FAM163B: variants seen among roughly 807,000 people sequenced by gnomAD.
FAM163B encodes protein FAM163B.
FAM163B carries 4 observed loss-of-function variants against 7.6 expected under a neutral mutation model. The observed-to-expected ratio is 0.52, with a 90% CI of 0.26 to 1.20. The LOEUF is 1.20. FAM163B is among the 50% of genes most tolerant of loss of function. The pLI is 0.14. For synonymous variants in FAM163B, 120 were observed against 111.6 expected, an observed-to-expected ratio of 1.07 and a Z score of -0.47; for missense variants, 250 against 243.0, an observed-to-expected ratio of 1.03 and a Z score of -0.19.
Position 133,579,006 on chromosome 9 carries a change from CG to C in FAM163B, c.*15del, listed in dbSNP as rs1442601264. ...CTCAGGACCTTCAAGGCCAGGATCC[CG>C]GGGGCGGGCCCAGGTCACACGTCGG... On this transcript the variant is annotated 3_prime_UTR_variant, in exon 3 of 3. Transcript: ENST00000673969. 9.4e-6 allele frequency: 14 copies of C among 1,486,384 alleles called. No individual in the cohort carries two copies. Among genetic ancestry groups the C allele is most frequent in the Middle Eastern group, 2.5e-4 (1 of 4,044 alleles). The allele number at this position is 1,486,384 out of a possible 1,614,324, so 92.1% of individuals were successfully genotyped here.
chr9:133,579,152 T>C lies in FAM163B; in HGVS notation c.371A>G (p.Lys124Arg), dbSNP rs1588319496. 1 of 1,610,462 alleles carries C rather than the reference T, an allele frequency of 6.2e-7. No individual in the cohort carries two copies. The highest frequency in any genetic ancestry group is 2.2e-5 in the East Asian group (1 of 44,862). Residue 124 changes from lysine (K) to arginine (R), a missense_variant, in exon 3 of 3, where the codon AAG (lysine) becomes AGG (arginine). Physicochemically the swap from Lys to Arg is conservative, Grantham distance 26. Transcript: ENST00000673969. ...VLNGGERVLYKSVSQEDVELP... is the reference protein window; with the variant it reads ...VLNGGERVLYRSVSQEDVELP... ...CTCCACGTCCTCCTGGCTCACGCTC[T>C]TGTAGAGCACGCGCTCCCCGCCGTT...
At chr9:133,590,536 G>C (rs1320354968) in intron 1 of FAM163B, among the ~76,000 whole-genome samples, 3 of 152,212 alleles carry the variant, frequency 2.0e-5, no homozygotes, top group South Asian at 4.1e-4. Flanking sequence ...GGAAGCACAG[G>C]CTTGATGCAC....
At chr9:133,598,767 T>C (rs1003392144) in intron 1 of FAM163B, among the ~76,000 whole-genome samples, 2 of 151,910 alleles carry the variant, frequency 1.3e-5, no homozygotes, top group Non-Finnish European at 2.9e-5. Context: ...GAGACAGGAG[T>C]CCTCATCTTA....
rs1156488424 is a variant in FAM163B at position 133,600,226 on chromosome 9, A to G, written c.-24+8851T>C. ...GTGTGAGTGTGTGTGTGTGGGGGGG[A>G]ATGTGGTCTGTGTGCATGTGTGTGA... On this transcript the variant is annotated intron_variant, in intron 1 of 2. Coordinates refer to ENST00000673969, the MANE Select transcript of FAM163B (RefSeq NM_001080515.3). The surrounding 1 kb of genome is among the most constrained non-coding windows in gnomAD (Gnocchi z 4.9). Among the ~76,000 whole-genome samples, 39 of 86,990 alleles carry G rather than the reference A, an allele frequency of 4.5e-4. No individual in the cohort carries two copies. The highest frequency in any genetic ancestry group is 1.7e-3 in the South Asian group (4 of 2,410). 57.1% of individuals were successfully genotyped at this position (86,990 alleles called of 152,430 possible). A position where few individuals can be genotyped will look rare whatever the true frequency, so the allele number is the denominator to read the frequency against.
chr9:133,592,767 C>G lies in FAM163B; in HGVS notation c.-23-12521G>C, dbSNP rs144134005. On this transcript the variant is annotated intron_variant, in intron 1 of 2. Coordinates refer to ENST00000673969, the MANE Select transcript of FAM163B (RefSeq NM_001080515.3). ...AAAATGCAGAGTTCCAAGTCCCACC[C>G]AGGCCGGCGGGGGGGTCAGAAACTC... Among the ~76,000 whole-genome samples the G allele has an allele frequency of 4.8e-3, 735 of 152,322 alleles. 6 individuals carry two copies. Among genetic ancestry groups the G allele is most frequent in the African/African-American group, 0.017 (699 of 41,558 alleles).
chr9:133,586,984 G>A (rs1831449090), intron 1 of FAM163B, among the ~76,000 whole-genome samples: 1 of 152,182 alleles, frequency 6.6e-6, no homozygotes, highest in South Asian at 2.1e-4. Flanking sequence ...CACTCCCTAG[G>A]CCATCGGGGA....
At chr9:133,604,878 G>C (rs528929367) in intron 1 of FAM163B, among the ~76,000 whole-genome samples, 11 of 152,254 alleles carry the variant, frequency 7.2e-5, no homozygotes, top group Non-Finnish European at 1.5e-4. Context: ...TTTCAAAAGA[G>C]AGAGGACGGT....
chr9:133,608,935 G>A (rs559196794), intron 1 of FAM163B, among the ~76,000 whole-genome samples, 142 bp downstream of exon 1: 2 of 152,332 alleles, frequency 1.3e-5, no homozygotes, highest in African/African-American at 4.8e-5. Context: ...GATGGGTGAC[G>A]CCAGCTGGGT....
At chr9:133,580,329 C>T in intron 1 of FAM163B, 83 bp from the exon 2 acceptor site, 1 of 1,138,176 alleles carries the variant, frequency 8.8e-7, no homozygotes. Context: ...ACTGAGAAGA[C>T]AAGCTGAGGG....
intron 1 of FAM163B, among the ~76,000 whole-genome samples, chr9:133,593,882 C>G (rs1831592288): frequency 6.6e-6 from 1 of 152,218 alleles, no homozygotes; most frequent in African/African-American, 2.4e-5. Flanking sequence ...TTGGAATTTC[C>G]CTTCCTAAGT....
chr9:133,595,762 C>A (rs1831623227), intron 1 of FAM163B, among the ~76,000 whole-genome samples: 1 of 152,216 alleles, frequency 6.6e-6, no homozygotes, highest in African/African-American at 2.4e-5. Flanking sequence ...CTCTCCACCC[C>A]CTTAACCTGC....
At chr9:133,590,389 C>T (rs1006145746) in intron 1 of FAM163B, among the ~76,000 whole-genome samples, 1 of 152,044 alleles carries the variant, frequency 6.6e-6, no homozygotes, top group Non-Finnish European at 1.5e-5. Context: ...CCAGAGCTCT[C>T]GTTTAGTAAA....
chr9:133,583,264 T>TAG (rs1424449586), intron 1 of FAM163B, among the ~76,000 whole-genome samples: 4 of 152,106 alleles, frequency 2.6e-5, no homozygotes, highest in African/African-American at 4.8e-5. Context: ...TAGGGAAGCA[T>TAG]GGGCCTGGGT....
At position 133,609,232 on chromosome 9, in the gene FAM163B, G is replaced by A. The variant is rs1831824254; in HGVS notation, c.-179C>T. On this transcript the variant is annotated 5_prime_UTR_variant, in exon 1 of 3. Transcript: ENST00000673969. ...TGGTGTGGCTGGGCGGGCGAGGCGG[G>A]CGCTGAGAAGCCCGGGAGGCCCCCG... is the stretch of plus-strand genomic sequence containing the variant. 6.6e-6 allele frequency among the ~76,000 whole-genome samples: 1 copy of A among 151,216 alleles called. No individual in the cohort carries two copies. The highest frequency in any genetic ancestry group is 2.4e-5 in the African/African-American group (1 of 41,364).
chr9:133,587,293 G>T (rs1831453534), intron 1 of FAM163B, among the ~76,000 whole-genome samples: 1 of 152,222 alleles, frequency 6.6e-6, no homozygotes, highest in Non-Finnish European at 1.5e-5. Context: ...GGAGTCGAGG[G>T]GTGTTGTGGA....
At chr9:133,596,042 C>T (rs940019006) in intron 1 of FAM163B, among the ~76,000 whole-genome samples, 2 of 151,952 alleles carry the variant, frequency 1.3e-5, no homozygotes, top group African/African-American at 2.4e-5. Flanking sequence ...GGGTGCAAGG[C>T]AGGCATGGTG....
intron 1 of FAM163B, among the ~76,000 whole-genome samples, chr9:133,581,011 A>G (rs1831348058): frequency 6.6e-6 from 1 of 152,250 alleles, no homozygotes; most frequent in Admixed American, 6.5e-5. Flanking sequence ...AACCTGCTTC[A>G]GTGGCTTTCA....
At chr9:133,597,465 AAAAC>A (rs1227887913) in intron 1 of FAM163B, among the ~76,000 whole-genome samples, 1 of 152,200 alleles carries the variant, frequency 6.6e-6, no homozygotes, top group Non-Finnish European at 1.5e-5. Flanking sequence ...ATAAACGAAA[AAAAC>A]AAACAGAACT....
intron 1 of FAM163B, 141 bp from the exon 2 acceptor site, chr9:133,580,387 G>A: frequency 1.5e-6 from 1 of 678,572 alleles, no homozygotes. Context: ...GGCTCTGCCG[G>A]GGACGGGGTG....
Sources: allele counts gnomAD v4.1 joint callset (sites outside exome capture counted in the v4.1 genomes callset), GRCh38; gene constraint gnomAD v4.1.1; non-coding constraint Gnocchi (gnomAD v3.1); transcripts MANE v1.5; gene names NCBI Gene and HGNC (gene_info 2026-07-23, HGNC 2026-07-21).